The following FREM1 variants were observed in gnomAD, a reference collection of about 807,000 sequenced individuals.
FREM1 encodes the protein FRAS1 related extracellular matrix 1, also known as FRAS1-related extracellular matrix protein 1.
In FREM1, 220 loss-of-function variants were observed where a neutral mutation model predicts 210.1. That is an observed-to-expected ratio of 1.05 (90% CI 0.94 to 1.17). The LOEUF is 1.17. FREM1 is among the 50% of genes most tolerant of loss of function. The pLI is 0.00. For missense variants in FREM1, 3,454 were observed against 2,675.5 expected (o/e 1.29, Z -6.42); for synonymous variants, 1,189 against 980.2 (o/e 1.21, Z -3.98).
intron 10 of FREM1, among the ~76,000 whole-genome samples, chr9:14,831,722 T>C (rs1204782946): frequency 1.3e-5 from 2 of 152,218 alleles, no homozygotes. Context: ...TGATTTTTCT[T>C]GGAATCTATT....
chr9:14,851,891 C>G (rs1480142053), intron 5 of FREM1, among the ~76,000 whole-genome samples: 1 of 152,176 alleles, frequency 6.6e-6, no homozygotes, highest in Non-Finnish European at 1.5e-5. Flanking sequence ...AAGGGAGCAC[C>G]TACTTTGGCA....
intron 1 of FREM1, among the ~76,000 whole-genome samples, chr9:14,902,938 AACAGG>A (rs1839039850): frequency 1.3e-5 from 2 of 152,232 alleles, no homozygotes; most frequent in African/African-American, 2.4e-5. Context: ...TTACATGGTA[AACAGG>A]ATTATGAATA....
At chr9:14,759,940 A>G in intron 27 of FREM1, 39 bp from the exon 28 acceptor site, 1 of 1,562,304 alleles carries the variant, frequency 6.4e-7, no homozygotes, top group South Asian at 1.2e-5. Context: ...GAGAATGCAT[A>G]GTATATGCCT....
At chr9:14,803,681 T>C (rs1185633134) in intron 19 of FREM1, among the ~76,000 whole-genome samples, 1 of 152,130 alleles carries the variant, frequency 6.6e-6, no homozygotes, top group Non-Finnish European at 1.5e-5. Context: ...AAGCATCCTT[T>C]CATTTCACCC....
At chr9:14,779,264 T>G (rs1263774468) in intron 24 of FREM1, among the ~76,000 whole-genome samples, 1 of 152,198 alleles carries the variant, frequency 6.6e-6, no homozygotes, top group Non-Finnish European at 1.5e-5. Flanking sequence ...GTATCAAGTG[T>G]GCTCTGTGGA....
chr9:14,882,315 T>C (rs1490316414), intron 1 of FREM1, among the ~76,000 whole-genome samples: 1 of 151,438 alleles, frequency 6.6e-6, no homozygotes, highest in African/African-American at 2.5e-5. Context: ...TCCAAGATCC[T>C]AATGTTTATC....
chr9:14,770,803 C>G lies in FREM1; in HGVS notation c.4861G>C (p.Asp1621His), dbSNP rs2132502258. 6.2e-7 allele frequency: 1 copy of G among 1,609,152 alleles called. No individual in the cohort carries two copies. Among genetic ancestry groups the G allele is most frequent in the East Asian group, 2.2e-5 (1 of 44,746 alleles). Residue 1621 changes from aspartate to histidine, a missense_variant, in exon 26 of 37, where the codon GAC (aspartate) becomes CAC (histidine). Physicochemically the swap from Asp to His is moderately conservative, Grantham distance 81. Coordinates refer to ENST00000380880, the MANE Select transcript of FREM1 (RefSeq NM_001379081.2). ...EEPVLFTIQVDQLDKTAPRIT... is the reference protein window; with the variant it reads ...EEPVLFTIQVHQLDKTAPRIT... ...CGAGGAGCTGTTTTGTCCAATTGGT[C>G]TACCTGGATCATCAACAATGACATA...
intron 21 of FREM1, among the ~76,000 whole-genome samples, chr9:14,794,626 C>G (rs746818487): frequency 5.3e-4 from 81 of 152,144 alleles, no homozygotes; most frequent in Admixed American, 2.0e-4. Context: ...TACATGCTCT[C>G]AAAGAGTCCA....
At chr9:14,900,172 C>T (rs1444608139) in intron 1 of FREM1, among the ~76,000 whole-genome samples, 1 of 152,118 alleles carries the variant, frequency 6.6e-6, no homozygotes, top group Non-Finnish European at 1.5e-5. Context: ...GATGAGTTGC[C>T]TCCTTCATCT....
In FREM1 at chr9:14,869,005, C is replaced by T. The variant is rs749353806; in HGVS notation, c.-28G>A. The T allele has an allele frequency of 2.0e-6, 3 of 1,466,378 alleles. No individual in the cohort carries two copies. The highest frequency in any genetic ancestry group is 1.8e-6 in the Non-Finnish European group (2 of 1,087,756). The allele number at this position is 1,466,378 out of a possible 1,614,324, so 90.8% of individuals were successfully genotyped here. ...TGACAGGGCCCAACTCTTCTCTGTC[C>T]ACCGGCGAAATCCCTTTAACAAAGG... On this transcript the variant is annotated 5_prime_UTR_variant, in exon 2 of 37. Coordinates refer to ENST00000380880, the MANE Select transcript of FREM1 (RefSeq NM_001379081.2).
chr9:14,753,096 A>C, intron 29 of FREM1, among the ~76,000 whole-genome samples: 1 of 152,166 alleles, frequency 6.6e-6, no homozygotes, highest in East Asian at 1.9e-4. Context: ...TTTCACTTTC[A>C]AGGTGCAAAG....
chr9:14,879,884 G>A (rs1390943557), intron 1 of FREM1, among the ~76,000 whole-genome samples: 1 of 152,162 alleles, frequency 6.6e-6, no homozygotes, highest in African/African-American at 2.4e-5. Context: ...CAATATGATA[G>A]GGGCAATATA....
At chr9:14,861,502 CCT>C (rs1830572122) in intron 3 of FREM1, among the ~76,000 whole-genome samples, 2 of 138,956 alleles carry the variant, frequency 1.4e-5, no homozygotes, top group South Asian at 2.2e-4. Flanking sequence ...AAGCATTTAT[CCT>C]TTTTTTTTTT....
At chr9:14,886,104 C>G (rs1015368135) in intron 1 of FREM1, among the ~76,000 whole-genome samples, 2 of 152,084 alleles carry the variant, frequency 1.3e-5, no homozygotes, top group African/African-American at 4.8e-5. Flanking sequence ...AAGAAATAAA[C>G]TGCTGTGTGC....
intron 28 of FREM1, among the ~76,000 whole-genome samples, chr9:14,757,351 T>G (rs1225845310): frequency 6.6e-6 from 1 of 152,088 alleles, no homozygotes; most frequent in African/African-American, 2.4e-5. Flanking sequence ...GGTCAGGAGT[T>G]CAAGACCAAC....
In FREM1 at chr9:14,824,335, G is replaced by A. The variant is rs149283852; in HGVS notation, c.2079-220C>T. Among the ~76,000 whole-genome samples the A allele has an allele frequency of 7.7e-3, 1,167 of 152,186 alleles. 9 individuals are homozygous for A. The highest frequency in any genetic ancestry group is 0.031 in the Middle Eastern group (9 of 294). ...AAGGTATGTACAGAATCTTTTGCTTGGCATCATGTAAGGGAATTGTTACAC... is the reference window on the plus strand; with the variant it reads ...AAGGTATGTACAGAATCTTTTGCTTAGCATCATGTAAGGGAATTGTTACAC... On this transcript the variant is annotated intron_variant, in intron 11 of 36. Coordinates refer to ENST00000380880, the MANE Select transcript of FREM1 (RefSeq NM_001379081.2).
intron 15 of FREM1, among the ~76,000 whole-genome samples, chr9:14,816,074 A>C (rs1820248827): frequency 6.6e-6 from 1 of 152,218 alleles, no homozygotes; most frequent in Non-Finnish European, 1.5e-5. Flanking sequence ...ACATGGCTTT[A>C]TCTGTAAACA....
At chr9:14,803,061 T>TTTTA (rs1554671450) in intron 19 of FREM1, among the ~76,000 whole-genome samples, 1 of 116,408 alleles carries the variant, frequency 8.6e-6, no homozygotes, top group Non-Finnish European at 1.7e-5. Flanking sequence ...TTTCTTTTTC[T>TTTTA]TTTCTTTCTT....
In FREM1 at chr9:14,822,117, C is replaced by A. The variant is rs572941176; in HGVS notation, c.2337+1043G>T. On this transcript the variant is annotated intron_variant, in intron 13 of 36. Transcript: ENST00000380880. ...CTGCACAAGTTCTCTTGCCTGCCAC[C>A]ATGTAAGACGTGACTTTGCTCCTCA... Among the ~76,000 whole-genome samples the A allele has an allele frequency of 9.8e-4, 149 of 152,278 alleles. 1 individual carries two copies. The highest frequency in any genetic ancestry group is 1.9e-3 in the Non-Finnish European group (131 of 68,026).
Sources: allele counts gnomAD v4.1 joint callset (sites outside exome capture counted in the v4.1 genomes callset), GRCh38; gene constraint gnomAD v4.1.1; transcripts MANE v1.5; gene names NCBI Gene and HGNC (gene_info 2026-07-23, HGNC 2026-07-21).